Variants in B4GALT5 observed in about 807,000 individuals in gnomAD.
B4GALT5 encodes UDP-Gal:beta-GlcNAc beta-1,4-galactosyltransferase 5.
A neutral mutation model predicts 45.0 loss-of-function variants in B4GALT5; 11 were observed. That is an observed-to-expected ratio of 0.24 (90% CI 0.15 to 0.40). B4GALT5 has a LOEUF of 0.40. B4GALT5 is among the 10% of genes least tolerant of loss of function. The pLI, the probability that B4GALT5 is intolerant of heterozygous loss-of-function variation, is 1.00. For missense variants in B4GALT5, 337 were observed against 500.2 expected (o/e 0.67, Z 3.11); for synonymous variants, 185 against 182.9 (o/e 1.01, Z -0.09).
At position 49,644,922 on chromosome 20, in the gene B4GALT5, T is replaced by TA. The variant is rs903220968; in HGVS notation, c.365-1273dup. Among the ~76,000 whole-genome samples, 91 of 150,640 alleles carry TA rather than the reference T, an allele frequency of 6.0e-4. 1 individual carries two copies. The highest frequency in any genetic ancestry group is 3.4e-3 in the Middle Eastern group (1 of 294). On this transcript the variant is annotated intron_variant, in intron 3 of 8. Coordinates refer to ENST00000371711, the MANE Select transcript of B4GALT5 (RefSeq NM_004776.4). ...TTTTCCTTTTCTTGATCTCACTTCT[T>TA]AAAAAAAAACAATTTTAAAAAAAGA...
chr20:49,636,052 G>C lies in B4GALT5; in HGVS notation c.*260C>G. ...GGGTAGGAGATGGGGAGAGAGCAGCGGGACAGACGTCTGTCTTGTGAAAAC... is the reference window on the plus strand; with the variant it reads ...GGGTAGGAGATGGGGAGAGAGCAGCCGGACAGACGTCTGTCTTGTGAAAAC... On this transcript the variant is annotated 3_prime_UTR_variant, in exon 9 of 9. Coordinates refer to ENST00000371711, the MANE Select transcript of B4GALT5 (RefSeq NM_004776.4). The C allele has an allele frequency of 2.2e-6, 1 of 457,598 alleles. No homozygotes were observed. The highest frequency in any genetic ancestry group is 3.5e-5 in the Admixed American group (1 of 28,254). 28.3% of individuals were successfully genotyped at this position (457,598 alleles called of 1,614,324 possible).
At chr20:49,713,458 T>C (rs1258874951) in intron 1 of B4GALT5, 118 bp downstream of exon 1, 3 of 1,034,434 alleles carry the variant, frequency 2.9e-6, no homozygotes, top group Non-Finnish European at 4.2e-6. Context: ...CTCCGGAGTC[T>C]TCGGAGGACC....
At chr20:49,647,845 G>A (rs1286088643) in intron 2 of B4GALT5, among the ~76,000 whole-genome samples, 2 of 151,866 alleles carry the variant, frequency 1.3e-5, no homozygotes, top group Non-Finnish European at 2.9e-5. Context: ...TTGGGGGGAG[G>A]TATTCTCTCG....
At chr20:49,667,266 T>C (rs2085695230) in intron 1 of B4GALT5, among the ~76,000 whole-genome samples, 1 of 152,024 alleles carries the variant, frequency 6.6e-6, no homozygotes, top group Non-Finnish European at 1.5e-5. Flanking sequence ...TTGTTGTTTT[T>C]TTTGAGACGG....
chr20:49,702,983 C>T (rs2085868858), intron 1 of B4GALT5, among the ~76,000 whole-genome samples: 1 of 151,790 alleles, frequency 6.6e-6, no homozygotes, highest in Non-Finnish European at 1.5e-5. Flanking sequence ...ACCATCCTGG[C>T]TGACACGATG....
chr20:49,671,385 A>G (rs1361884955), intron 1 of B4GALT5, among the ~76,000 whole-genome samples: 2 of 152,060 alleles, frequency 1.3e-5, no homozygotes, highest in African/African-American at 4.8e-5. Flanking sequence ...AAAAAATAAT[A>G]ATTTTCTGAG....
intron 2 of B4GALT5, among the ~76,000 whole-genome samples, chr20:49,653,463 T>C (rs1163435370): frequency 6.6e-6 from 1 of 152,248 alleles, no homozygotes; most frequent in Non-Finnish European, 1.5e-5. Context: ...GCTTCCTATG[T>C]GCGAGGCAGT....
At chr20:49,673,246 G>A (rs967650092) in intron 1 of B4GALT5, among the ~76,000 whole-genome samples, 1 of 152,116 alleles carries the variant, frequency 6.6e-6, no homozygotes, top group Non-Finnish European at 1.5e-5. Context: ...TGGGCGTGGT[G>A]GTGGATGCCT....
At chr20:49,675,184 G>C (rs1303786408) in intron 1 of B4GALT5, among the ~76,000 whole-genome samples, 1 of 152,060 alleles carries the variant, frequency 6.6e-6, no homozygotes, top group Admixed American at 6.6e-5. Flanking sequence ...AGTAACATTT[G>C]CAAGGACCAA....
At chr20:49,673,123 T>A (rs1052265326) in intron 1 of B4GALT5, among the ~76,000 whole-genome samples, 1 of 152,208 alleles carries the variant, frequency 6.6e-6, no homozygotes, top group African/African-American at 2.4e-5. Flanking sequence ...GGCTCACACC[T>A]GTAATCCCAG....
At position 49,639,720 on chromosome 20, in the gene B4GALT5, G is replaced by C. The variant is rs989611499; in HGVS notation, c.875C>G (p.Ala292Gly). The change falls in exon 7 of 9, where the codon GCT (alanine) becomes GGT (glycine). Residue 292 changes from alanine to glycine, a missense_variant. Physicochemically the swap from Ala to Gly is moderately conservative, Grantham distance 60. Coordinates refer to ENST00000371711, the MANE Select transcript of B4GALT5 (RefSeq NM_004776.4). The stretch of plus-strand genomic sequence containing the variant: ...ATCTTCTCCACCCCAACCCCAGAAA[G>C]CATTAGGAAAGCCATTGATTTTCCG... ...QFRKINGFPN[A>G]FWGWGGEDDD... 5.6e-6 allele frequency: 9 copies of C among 1,613,612 alleles called. No homozygotes were observed. Among genetic ancestry groups the C allele is most frequent in the Middle Eastern group, 1.6e-4 (1 of 6,076 alleles).
intron 1 of B4GALT5, among the ~76,000 whole-genome samples, chr20:49,662,486 A>G (rs928528873): frequency 1.3e-5 from 2 of 152,204 alleles, no homozygotes; most frequent in African/African-American, 4.8e-5. Context: ...TGAATTTAAA[A>G]AATAATAATA....
At chr20:49,692,423 C>T (rs146535045) in intron 1 of B4GALT5, among the ~76,000 whole-genome samples, 26 of 152,214 alleles carry the variant, frequency 1.7e-4, no homozygotes, top group African/African-American at 6.3e-4. Flanking sequence ...GCTATGATCG[C>T]ATCACTGCAT....
intron 2 of B4GALT5, among the ~76,000 whole-genome samples, chr20:49,652,663 T>C (rs1417889509): frequency 6.6e-6 from 1 of 152,124 alleles, no homozygotes; most frequent in Non-Finnish European, 1.5e-5. Context: ...AAGCTTCTCC[T>C]GGTCACCACT....
intron 1 of B4GALT5, among the ~76,000 whole-genome samples, chr20:49,695,155 T>C (rs1250858291): frequency 6.6e-6 from 1 of 151,704 alleles, no homozygotes; most frequent in Non-Finnish European, 1.5e-5. Flanking sequence ...CTAACTCCAA[T>C]TTTTCATAAT....
At chr20:49,651,044 G>A (rs1231205910) in intron 2 of B4GALT5, among the ~76,000 whole-genome samples, 1 of 152,176 alleles carries the variant, frequency 6.6e-6, no homozygotes, top group African/African-American at 2.4e-5. Context: ...TGCATTTTGG[G>A]AGGCCAAGGC....
At chr20:49,651,604 G>A (rs2085623099) in intron 2 of B4GALT5, among the ~76,000 whole-genome samples, 1 of 151,406 alleles carries the variant, frequency 6.6e-6, no homozygotes, top group African/African-American at 2.4e-5. Flanking sequence ...AAAAAAAGAA[G>A]ATAGATAGAT....
intron 1 of B4GALT5, among the ~76,000 whole-genome samples, chr20:49,659,924 T>C (rs142666445): frequency 0.02 from 2,964 of 151,986 alleles, 100 homozygotes; most frequent in African/African-American, 0.069. Context: ...CTACTACAGG[T>C]GCATGCCACC....
intron 7 of B4GALT5, 79 bp from the exon 8 acceptor site, chr20:49,637,521 C>A: frequency 9.9e-7 from 1 of 1,008,924 alleles, no homozygotes; most frequent in Non-Finnish European, 1.6e-6. Flanking sequence ...AGACATGTTA[C>A]AAGCTTACCC....
Sources: gnomAD v4.1 joint callset for allele counts (sites outside exome capture counted in the v4.1 genomes callset) on GRCh38, gnomAD v4.1.1 for gene constraint, MANE v1.5 for transcripts, NCBI Gene and HGNC (gene_info 2026-07-23, HGNC 2026-07-21) for gene names.